The following NCOA1 variants were observed in gnomAD, a reference collection of about 807,000 sequenced individuals.
NCOA1 encodes the protein nuclear receptor coactivator 1.
A neutral mutation model predicts 150.9 loss-of-function variants in NCOA1; 35 were observed. That is an observed-to-expected ratio of 0.23 (90% CI 0.18 to 0.31). The LOEUF is 0.31. Ranked by LOEUF, NCOA1 falls within the 10% of genes least tolerant of loss-of-function variation. The pLI, the probability that NCOA1 is intolerant of heterozygous loss-of-function variation, is 1.00. For missense variants in NCOA1, 1,491 were observed against 1,749.3 expected (o/e 0.85, Z 2.63); for synonymous variants, 590 against 630.0 (o/e 0.94, Z 0.95).
At chr2:24,564,216 A>C (rs1223707473) in intron 1 of NCOA1, 79 bp from the exon 2 acceptor site, 1 of 152,228 alleles carries the variant, frequency 6.6e-6, no homozygotes, top group Non-Finnish European at 1.5e-5. Flanking sequence ...TTGTATGCTT[A>C]CAAACAGTGG....
chr2:24,624,194 A>G (rs548851658), intron 3 of NCOA1, among the ~76,000 whole-genome samples: 188 of 152,294 alleles, frequency 1.2e-3, no homozygotes, highest in African/African-American at 2.9e-3. Context: ...GGGTTATTAA[A>G]GGGCTATTCT....
At chr2:24,675,186 A>G (rs918740840) in intron 7 of NCOA1, among the ~76,000 whole-genome samples, 1 of 152,264 alleles carries the variant, frequency 6.6e-6, no homozygotes, top group Non-Finnish European at 1.5e-5. Context: ...TATAACATAT[A>G]CACATATATG....
intron 17 of NCOA1, among the ~76,000 whole-genome samples, chr2:24,734,897 C>T (rs1419758625): frequency 1.3e-5 from 2 of 152,104 alleles, no homozygotes; most frequent in Non-Finnish European, 2.9e-5. Flanking sequence ...TGCATAATAG[C>T]TCTACATAAT....
intron 4 of NCOA1, among the ~76,000 whole-genome samples, chr2:24,650,083 G>T (rs1030326035): frequency 1.3e-5 from 2 of 152,074 alleles, no homozygotes; most frequent in Non-Finnish European, 2.9e-5. Flanking sequence ...CCATTTATTT[G>T]ATTTTGCTTT....
Position 24,707,893 on chromosome 2 carries a change from G to A in NCOA1, c.2418+5G>A. 6.3e-7 allele frequency: 1 copy of A among 1,574,966 alleles called. No individual in the cohort carries two copies. The highest frequency in any genetic ancestry group is 8.6e-7 in the Non-Finnish European group (1 of 1,167,370). ...AAACTGGAGGCCCAGAGCCAGGTGGGTAACTGCTTGCTTCACAGAATGGTC... is the reference window on the plus strand; with the variant it reads ...AAACTGGAGGCCCAGAGCCAGGTGGATAACTGCTTGCTTCACAGAATGGTC... On this transcript the variant is annotated splice_donor_5th_base_variant and intron_variant, in intron 13 of 22. Coordinates refer to ENST00000348332, the MANE Select transcript of NCOA1 (RefSeq NM_003743.5).
intron 2 of NCOA1, among the ~76,000 whole-genome samples, chr2:24,572,720 A>G (rs186573769): frequency 2.0e-5 from 3 of 152,242 alleles, no homozygotes; most frequent in Non-Finnish European, 4.4e-5. Context: ...ACCTTTTAAC[A>G]TATCTTTAAT....
intron 14 of NCOA1, among the ~76,000 whole-genome samples, chr2:24,723,873 A>G (rs952462159): frequency 1.3e-5 from 2 of 152,164 alleles, no homozygotes; most frequent in African/African-American, 4.8e-5. Flanking sequence ...AAACTTCCTT[A>G]ACAACAGCTG....
At chr2:24,557,291 T>C (rs1026996772) in intron 1 of NCOA1, among the ~76,000 whole-genome samples, 5 of 152,106 alleles carry the variant, frequency 3.3e-5, no homozygotes, top group Admixed American at 6.6e-5. Context: ...ATATAATAAC[T>C]TTACAGCACT....
rs190741990 is a variant in NCOA1 at position 24,492,918 on chromosome 2, T to G, written c.-396+1316T>G. Among the ~76,000 whole-genome samples the G allele has an allele frequency of 8.6e-5, 13 of 151,508 alleles. No individual in the cohort carries two copies. The East Asian group carries it at 2.3e-3, about 27-fold the overall frequency. On this transcript the variant is annotated intron_variant, in intron 1 of 22. Coordinates refer to ENST00000348332, the MANE Select transcript of NCOA1 (RefSeq NM_003743.5). ...GAGGGATGGATCTCAAGGGTTAAATTTGTTTGAGGTTTGTCTCCTCTTCTG... is the reference window on the plus strand; with the variant it reads ...GAGGGATGGATCTCAAGGGTTAAATGTGTTTGAGGTTTGTCTCCTCTTCTG...
chr2:24,690,012 T>C (rs182132644), intron 8 of NCOA1, among the ~76,000 whole-genome samples: 1 of 152,348 alleles, frequency 6.6e-6, no homozygotes, highest in East Asian at 1.9e-4. Flanking sequence ...CTTTTGAAAA[T>C]AGTCATATAT....
At chr2:24,611,808 T>C (rs1047808424) in intron 3 of NCOA1, among the ~76,000 whole-genome samples, 2 of 152,214 alleles carry the variant, frequency 1.3e-5, no homozygotes, top group African/African-American at 2.4e-5. Context: ...CCCGTGGGTA[T>C]TGTTATGTGC....
At chr2:24,715,385 A>G (rs55868213) in intron 14 of NCOA1, among the ~76,000 whole-genome samples, 6,227 of 152,296 alleles carry the variant, frequency 0.041, 148 homozygotes, top group East Asian at 0.11. Flanking sequence ...GGTAGAATAA[A>G]TGAGACAATA....
chr2:24,731,070 G>T (rs1272271496), intron 17 of NCOA1, among the ~76,000 whole-genome samples: 1 of 150,610 alleles, frequency 6.6e-6, no homozygotes, highest in Admixed American at 6.6e-5. Flanking sequence ...GCTGTGGGAA[G>T]GGGGACCTGA....
At chr2:24,669,037 AC>A (rs1671568931) in intron 6 of NCOA1, among the ~76,000 whole-genome samples, 1 of 152,224 alleles carries the variant, frequency 6.6e-6, no homozygotes, top group African/African-American at 2.4e-5. Context: ...TTAAAACTAT[AC>A]TGAAAGTAAG....
intron 1 of NCOA1, among the ~76,000 whole-genome samples, chr2:24,521,509 T>A (rs1664416840): frequency 6.6e-6 from 1 of 152,240 alleles, no homozygotes; most frequent in South Asian, 2.1e-4. Context: ...GTGTCTGGTT[T>A]ATTTCACTTG....
intron 3 of NCOA1, among the ~76,000 whole-genome samples, chr2:24,634,503 A>T (rs1036367232): frequency 3.9e-5 from 6 of 152,158 alleles, no homozygotes; most frequent in African/African-American, 1.4e-4. Context: ...TGATTCTTAA[A>T]TGGGAATTCA....
chr2:24,595,712 G>A (rs1333993833), intron 3 of NCOA1, among the ~76,000 whole-genome samples: 3 of 151,924 alleles, frequency 2.0e-5, no homozygotes, highest in African/African-American at 7.2e-5. Context: ...TGTTTTTGGT[G>A]TCCTAATTGT....
At chr2:24,684,612 C>T (rs1302635329) in intron 8 of NCOA1, among the ~76,000 whole-genome samples, 1 of 152,210 alleles carries the variant, frequency 6.6e-6, no homozygotes, top group East Asian at 1.9e-4. Flanking sequence ...TCTGAGCAGC[C>T]TTTCACAATA....
chr2:24,516,734 C>T (rs892512454), intron 1 of NCOA1, among the ~76,000 whole-genome samples: 1 of 150,430 alleles, frequency 6.6e-6, no homozygotes, highest in Non-Finnish European at 1.5e-5. Context: ...ATCTTTCTCA[C>T]TTTCTCTCTT....
Sources: gnomAD v4.1 joint callset for allele counts (sites outside exome capture counted in the v4.1 genomes callset) on GRCh38, gnomAD v4.1.1 for gene constraint, MANE v1.5 for transcripts, NCBI Gene and HGNC (gene_info 2026-07-23, HGNC 2026-07-21) for gene names.